CNTN5: variants seen among roughly 807,000 people sequenced by gnomAD.
The protein encoded by CNTN5 is contactin-5.
A neutral mutation model predicts 129.1 loss-of-function variants in CNTN5; 77 were observed. The observed-to-expected ratio is 0.60, with a 90% confidence interval of 0.50 to 0.72. The LOEUF is 0.72. Ranked by LOEUF, CNTN5 falls within the 30% of genes least tolerant of loss-of-function variation. The pLI is 0.00. For synonymous variants in CNTN5, 509 were observed against 465.6 expected (o/e 1.09, Z -1.20); for missense variants, 1,478 against 1,328.8 (o/e 1.11, Z -1.75).
chr11:99,070,724 CT>C (rs10711828), intron 1 of CNTN5, among the ~76,000 whole-genome samples: 56,647 of 148,238 alleles, frequency 0.38, 10,869 homozygotes, highest in East Asian at 0.53. Context: ...TTTAAAATAA[CT>C]TTTTTTTTTT....
At chr11:99,243,428 T>G (rs147925574) in intron 1 of CNTN5, among the ~76,000 whole-genome samples, 3 of 152,178 alleles carry the variant, frequency 2.0e-5, no homozygotes, top group African/African-American at 7.2e-5. Context: ...CTCTATTGAT[T>G]GTTTCTTTTG....
chr11:100,323,627 A>G (rs2138967569), intron 21 of CNTN5, among the ~76,000 whole-genome samples: 1 of 133,364 alleles, frequency 7.5e-6, no homozygotes, highest in South Asian at 2.5e-4. Flanking sequence ...CAGTATTTAT[A>G]TGTCCTCCTC....
chr11:100,280,653 T>G (rs1450126929), intron 18 of CNTN5, among the ~76,000 whole-genome samples: 1 of 152,084 alleles, frequency 6.6e-6, no homozygotes, highest in African/African-American at 2.4e-5. Context: ...TGTCTTTTGA[T>G]TAGAGAGGTT....
At chr11:100,293,998 A>G (rs1182001599) in intron 18 of CNTN5, among the ~76,000 whole-genome samples, 2 of 151,588 alleles carry the variant, frequency 1.3e-5, no homozygotes, top group African/African-American at 2.4e-5. Flanking sequence ...GTTCCTCTTG[A>G]CTTCTACCTT....
At chr11:99,624,127 A>G (rs1006735060) in intron 3 of CNTN5, among the ~76,000 whole-genome samples, 7 of 151,910 alleles carry the variant, frequency 4.6e-5, no homozygotes, top group African/African-American at 1.7e-4. Flanking sequence ...TCTCATTACA[A>G]TAGTTTAATG....
At chr11:99,981,407 A>G (rs1938341014) in intron 8 of CNTN5, among the ~76,000 whole-genome samples, 1 of 152,016 alleles carries the variant, frequency 6.6e-6, no homozygotes, top group South Asian at 2.1e-4. Flanking sequence ...ATTTCCAGGA[A>G]ATAGACACAT....
intron 18 of CNTN5, among the ~76,000 whole-genome samples, chr11:100,276,920 A>AT (rs199607764): frequency 0.029 from 4,353 of 150,768 alleles, 89 homozygotes; most frequent in Non-Finnish European, 0.047. Context: ...ATTCTTTCTA[A>AT]TTTTTTTTTA....
chr11:100,031,365 G>A (rs1203671254), intron 9 of CNTN5, among the ~76,000 whole-genome samples: 1 of 152,192 alleles, frequency 6.6e-6, no homozygotes, highest in Non-Finnish European at 1.5e-5. Flanking sequence ...GAGTGGACGT[G>A]CAGTCAGGGA....
chr11:99,651,136 C>T (rs1456097994), intron 3 of CNTN5, among the ~76,000 whole-genome samples: 2 of 151,790 alleles, frequency 1.3e-5, no homozygotes, highest in Non-Finnish European at 2.9e-5. Context: ...GCATAAAATG[C>T]AAGATACAGG....
rs989498022 is a variant in CNTN5, at chr11:99,766,995, G to T, written c.56-52549G>T. The stretch of plus-strand genomic sequence containing the variant: ...TCATATGGCCTGACATCCTTTCTGT[G>T]GCTTGCTATCCTCTGAATCATTCCT... On this transcript the variant is annotated intron_variant, in intron 3 of 24. Transcript: ENST00000524871. 1.6e-4 allele frequency among the ~76,000 whole-genome samples: 24 copies of T among 151,884 alleles called. 1 individual carries two copies. The highest frequency in any genetic ancestry group is 1.6e-3 in the Admixed American group (24 of 15,220).
intron 3 of CNTN5, among the ~76,000 whole-genome samples, chr11:99,666,690 A>G (rs527561230): frequency 6.6e-6 from 1 of 152,160 alleles, no homozygotes; most frequent in African/African-American, 2.4e-5. Context: ...AAGAATTACA[A>G]GCCTTGGACT....
At chr11:99,453,968 A>G (rs1022235947) in intron 2 of CNTN5, among the ~76,000 whole-genome samples, 4 of 152,184 alleles carry the variant, frequency 2.6e-5, no homozygotes, top group Non-Finnish European at 4.4e-5. Context: ...AATGACATAT[A>G]TTTCTTCAGT....
At chr11:99,342,602 A>AAAAAAAT (rs1565505832) in intron 2 of CNTN5, among the ~76,000 whole-genome samples, 3 of 114,692 alleles carry the variant, frequency 2.6e-5, no homozygotes, top group African/African-American at 5.5e-5. Flanking sequence ...AAAAAAAAAA[A>AAAAAAAT]GCAGGGCGTG....
At chr11:99,857,682 C>T (rs988918879) in intron 6 of CNTN5, among the ~76,000 whole-genome samples, 11 of 151,902 alleles carry the variant, frequency 7.2e-5, no homozygotes, top group Non-Finnish European at 1.0e-4. Flanking sequence ...ATATCATATT[C>T]GATGTCTGAA....
chr11:99,980,256 C>T (rs1259958257), intron 8 of CNTN5, among the ~76,000 whole-genome samples: 2 of 152,110 alleles, frequency 1.3e-5, no homozygotes, highest in East Asian at 1.9e-4. Flanking sequence ...AATCATAATA[C>T]AACTAGAAGC....
chr11:99,429,637 T>C (rs1943279126), intron 2 of CNTN5, among the ~76,000 whole-genome samples: 3 of 152,096 alleles, frequency 2.0e-5, no homozygotes, highest in South Asian at 4.1e-4. Flanking sequence ...CAATTTTACT[T>C]ATAAAGGCAG....
chr11:100,088,012 G>A (rs1944621116), intron 13 of CNTN5, among the ~76,000 whole-genome samples: 1 of 150,682 alleles, frequency 6.6e-6, no homozygotes, highest in African/African-American at 2.4e-5. Flanking sequence ...AATGACTTTT[G>A]AGTAAAACAA....
intron 2 of CNTN5, among the ~76,000 whole-genome samples, chr11:99,541,616 G>C (rs963192945): frequency 4.6e-5 from 7 of 152,146 alleles, no homozygotes; most frequent in African/African-American, 1.4e-4. Context: ...TTGATGTGAT[G>C]AATTCTGGGT....
chr11:99,310,098 C>T (rs955361826), intron 1 of CNTN5, among the ~76,000 whole-genome samples: 2 of 152,048 alleles, frequency 1.3e-5, no homozygotes, highest in Non-Finnish European at 2.9e-5. Flanking sequence ...TAATTAAATG[C>T]AAAATTATAC....
Sources: allele counts gnomAD v4.1 joint callset (sites outside exome capture counted in the v4.1 genomes callset), GRCh38; gene constraint gnomAD v4.1.1; transcripts MANE v1.5; gene names NCBI Gene and HGNC (gene_info 2026-07-23, HGNC 2026-07-21).